Variants in MRPL10 observed in about 807,000 individuals in gnomAD.
The protein encoded by MRPL10 is mitochondrial ribosomal protein L10.
A neutral mutation model predicts 19.8 loss-of-function variants in MRPL10; 14 were observed. The observed-to-expected ratio is 0.71, with a 90% CI of 0.47 to 1.11. MRPL10 has a LOEUF of 1.11. Among genes scored for constraint, MRPL10 ranks in the 50% least tolerant of loss-of-function variants. The pLI is 0.00. For synonymous variants in MRPL10, 129 were observed against 139.2 expected (o/e 0.93, Z 0.52); for missense variants, 318 against 339.6 (o/e 0.94, Z 0.50).
In MRPL10 at chr17:47,823,550, T is replaced by C. The variant is rs1422033167; in HGVS notation, c.*655A>G. The C allele has an allele frequency of 3.3e-5, 5 of 153,258 alleles. No homozygotes were observed. Among genetic ancestry groups the C allele is most frequent in the Non-Finnish European group, 5.8e-5 (4 of 68,700 alleles). The allele number at this position is 153,258 out of a possible 1,614,324, so 9.5% of individuals were successfully genotyped here. A position where few individuals can be genotyped will look rare whatever the true frequency, so the allele number is the denominator to read the frequency against. ...TGGAGAACTAACATCCAAGCACACCTGGATGGTGGATGGGACCCACTTCTG... is the reference window on the plus strand; with the variant it reads ...TGGAGAACTAACATCCAAGCACACCCGGATGGTGGATGGGACCCACTTCTG... On this transcript the variant is annotated 3_prime_UTR_variant, in exon 5 of 5. Transcript: ENST00000351111.
intron 4 of MRPL10, among the ~76,000 whole-genome samples, 178 bp from the exon 5 acceptor site, chr17:47,824,636 T>C (rs2033500535): frequency 6.6e-6 from 1 of 152,186 alleles, no homozygotes; most frequent in Non-Finnish European, 1.5e-5. Context: ...TCCCTACTTC[T>C]TCACTCTTCC....
At chr17:47,827,586 T>C (rs1567950534) in intron 2 of MRPL10, among the ~76,000 whole-genome samples, 1 of 152,180 alleles carries the variant, frequency 6.6e-6, no homozygotes, top group Non-Finnish European at 1.5e-5. Context: ...ATAACTCTTT[T>C]GCAGTGTTAG....
Position 47,827,949 on chromosome 17 carries a change from A to G in MRPL10, c.222+552T>C, listed in dbSNP as rs576146906. Among the ~76,000 whole-genome samples the G allele has an allele frequency of 4.7e-5, 7 of 148,510 alleles. No homozygotes were observed. In the South Asian group the frequency reaches 1.1e-3, roughly 22 times the overall value. On this transcript the variant is annotated intron_variant, in intron 2 of 4. Coordinates refer to ENST00000351111, the MANE Select transcript of MRPL10 (RefSeq NM_145255.4). Reference sequence around the variant, plus strand: ...GCCAGGCAGGGTGGCTCATGCCTGCAATCCCAGCACTTTGGGAGGCCGAGG... The same window carrying G: ...GCCAGGCAGGGTGGCTCATGCCTGCGATCCCAGCACTTTGGGAGGCCGAGG...
Position 47,828,622 on chromosome 17 carries a change from G to T in MRPL10, c.101C>A (p.Thr34Asn). 6.6e-7 allele frequency: 1 copy of T among 1,526,034 alleles called. No homozygotes were observed. Among genetic ancestry groups the T allele is most frequent in the Non-Finnish European group, 8.7e-7 (1 of 1,145,808 alleles). The allele number at this position is 1,526,034 out of a possible 1,614,324, so 94.5% of individuals were successfully genotyped here. A position where few individuals can be genotyped will look rare whatever the true frequency, so the allele number is the denominator to read the frequency against. The change falls in exon 2 of 5, where the codon ACC (threonine) becomes AAC (asparagine). Residue 34 changes from threonine to asparagine, a missense_variant. By Grantham distance (65) the Thr-to-Asn change is moderately conservative (BLOSUM62 0). Coordinates refer to ENST00000351111, the MANE Select transcript of MRPL10 (RefSeq NM_145255.4). ...AAAGTGCATCACACGACGGTGGCGG[G>T]TAACAGCCTTGGAGCCATAGCGGAC... ...QTVRYGSKAVTRHRRVMHFQR... is the reference protein window; with the variant it reads ...QTVRYGSKAVNRHRRVMHFQR...
intron 1 of MRPL10, chr17:47,829,490 G>C (rs1300187233): frequency 6.6e-6 from 1 of 152,194 alleles, no homozygotes; most frequent in Admixed American, 6.5e-5. Flanking sequence ...ATAAAACACA[G>C]TGACTGGCCC....
intron 4 of MRPL10, 132 bp from the exon 5 acceptor site, chr17:47,824,590 T>G (rs1464603117): frequency 2.9e-6 from 3 of 1,043,430 alleles, no homozygotes; most frequent in Non-Finnish European, 4.0e-6. Flanking sequence ...TGGGTTCCAC[T>G]GTGCCCCACA....
At position 47,826,735 on chromosome 17, in the gene MRPL10, G is replaced by A. The variant is rs755857702; in HGVS notation, c.434C>T (p.Pro145Leu). 1.9e-6 allele frequency: 3 copies of A among 1,614,218 alleles called. No homozygotes were observed. The highest frequency in any genetic ancestry group is 1.1e-5 in the South Asian group (1 of 91,090). ...CAGCATGTTGTGCCCCACAAAAAGG[G>A]GCAGCAGATTTTGGTACTTGGAATC... The part of the protein sequence containing the change: ...LEDSKYQNLL[P>L]LFVGHNMLLV... Residue 145 changes from proline (P) to leucine (L), a missense_variant, in exon 4 of 5, where the codon CCC (proline) becomes CTC (leucine). By Grantham distance (98) the Pro-to-Leu change is moderately conservative. Coordinates refer to ENST00000351111, the MANE Select transcript of MRPL10 (RefSeq NM_145255.4).
At chr17:47,824,576 G>A in intron 4 of MRPL10, 118 bp from the exon 5 acceptor site, 2 of 1,276,114 alleles carry the variant, frequency 1.6e-6, no homozygotes, top group Non-Finnish European at 2.1e-6. Flanking sequence ...CCTTCCCCAG[G>A]ACCTGGGTTC....
intron 1 of MRPL10, 107 bp from the exon 2 acceptor site, chr17:47,828,777 G>C (rs2033578313): frequency 8.2e-6 from 7 of 850,976 alleles, no homozygotes; most frequent in Non-Finnish European, 1.2e-5. Flanking sequence ...ACAGCTCACA[G>C]AGCTAGACTC....
rs186303627 is a variant in MRPL10 at position 47,826,052 on chromosome 17, C to G, written c.532+585G>C. ...ATCCCAGCTACTCAGGAGGCTGAGG[C>G]AGGAGAATTGCTTGAACCCAGGAGA... On this transcript the variant is annotated intron_variant, in intron 4 of 4. Coordinates refer to ENST00000351111, the MANE Select transcript of MRPL10 (RefSeq NM_145255.4). 7.4e-4 allele frequency among the ~76,000 whole-genome samples: 110 copies of G among 148,242 alleles called. No individual in the cohort carries two copies. In the East Asian group the frequency reaches 0.015, roughly 21 times the overall value.
intron 3 of MRPL10, 71 bp downstream of exon 3, chr17:47,826,969 G>A: frequency 6.6e-7 from 1 of 1,512,362 alleles, no homozygotes; most frequent in Non-Finnish European, 9.0e-7. Context: ...CTGGGGAGCA[G>A]ATGGTGAGGT....
intron 2 of MRPL10, 26 bp from the exon 3 acceptor site, chr17:47,827,230 G>A (rs1270862185): frequency 1.3e-6 from 2 of 1,580,460 alleles, no homozygotes; most frequent in Admixed American, 1.8e-5. Context: ...AATGACCAAG[G>A]GTACATCAGC....
intron 2 of MRPL10, 32 bp from the exon 3 acceptor site, chr17:47,827,236 T>C (rs756676127): frequency 1.9e-6 from 3 of 1,570,920 alleles, no homozygotes; most frequent in Non-Finnish European, 2.6e-6. Flanking sequence ...CAAGGGTACA[T>C]CAGCTGCCAC....
intron 1 of MRPL10, among the ~76,000 whole-genome samples, chr17:47,830,138 A>C (rs2143598612): frequency 6.6e-6 from 1 of 152,278 alleles, no homozygotes; most frequent in South Asian, 2.1e-4. Context: ...CTGCTCTGAC[A>C]CCCTGTCCTA....
In MRPL10 at chr17:47,831,488, CA is replaced by C; in HGVS notation, c.23del (p.Met8SerfsTer32). ...CCTGGGGCAGGAGACCCCCTCGCAG[CA>C]TCCCCGCCACGGCCGCAGCCATCTC... MAAAVAG[M>X]LRGGLLPQAG... On this transcript the variant is annotated frameshift_variant, in exon 1 of 5. Transcript: ENST00000351111. LOFTEE classifies it high-confidence loss of function. 1 of 1,549,024 alleles carries C rather than the reference CA, an allele frequency of 6.5e-7. No individual in the cohort carries two copies. Among genetic ancestry groups the C allele is most frequent in the South Asian group, 1.2e-5 (1 of 84,020 alleles).
Position 47,823,896 on chromosome 17 carries a change from G to A in MRPL10, c.*309C>T. On this transcript the variant is annotated 3_prime_UTR_variant, in exon 5 of 5. Transcript: ENST00000351111. ...GGGCTCAGGAGCCCGTGCAGCAAGAGGCAGTGACCAAGGAGGCAGGGGACA... is the reference window on the plus strand; with the variant it reads ...GGGCTCAGGAGCCCGTGCAGCAAGAAGCAGTGACCAAGGAGGCAGGGGACA... 2.5e-6 allele frequency: 1 copy of A among 392,766 alleles called. No individual in the cohort carries two copies. Among genetic ancestry groups the A allele is most frequent in the South Asian group, 2.3e-5 (1 of 43,824 alleles). 24.3% of individuals were successfully genotyped at this position (392,766 alleles called of 1,614,324 possible). A position where few individuals can be genotyped will look rare whatever the true frequency, so the allele number is the denominator to read the frequency against.
At chr17:47,825,970 C>T (rs1166452417) in intron 4 of MRPL10, among the ~76,000 whole-genome samples, 1 of 145,974 alleles carries the variant, frequency 6.9e-6, no homozygotes, top group East Asian at 2.2e-4. Flanking sequence ...GAAACCCCAT[C>T]TCTACTAAAA....
intron 2 of MRPL10, 27 bp from the exon 3 acceptor site, chr17:47,827,231 G>GTAC: frequency 1.9e-6 from 3 of 1,576,214 alleles, no homozygotes; most frequent in Non-Finnish European, 2.6e-6. Context: ...ATGACCAAGG[G>GTAC]TACATCAGCT....
At chr17:47,826,909 C>T in intron 3 of MRPL10, 128 bp from the exon 4 acceptor site, 1 of 1,476,378 alleles carries the variant, frequency 6.8e-7, no homozygotes, top group Non-Finnish European at 9.3e-7. Context: ...ATAGGTTAGA[C>T]ACCAGATTAG....
Sources: gnomAD v4.1 joint callset for allele counts (sites outside exome capture counted in the v4.1 genomes callset) on GRCh38, gnomAD v4.1.1 for gene constraint, MANE v1.5 for transcripts, NCBI Gene and HGNC (gene_info 2026-07-23, HGNC 2026-07-21) for gene names.